The following COL4A6 variants were observed in gnomAD, a reference collection of about 807,000 sequenced individuals.
The protein encoded by COL4A6 is collagen type IV alpha 6 chain.
A neutral mutation model predicts 126.7 loss-of-function variants in COL4A6; 59 were observed. The observed-to-expected ratio is 0.47, with a 90% CI of 0.38 to 0.58. The LOEUF (loss-of-function observed/expected upper bound fraction) is 0.58. Among genes scored for constraint, COL4A6 ranks in the 20% least tolerant of loss-of-function variants. The probability of loss-of-function intolerance (pLI) is 0.00; values close to 1 mark genes in which losing one functional copy is unlikely to be tolerated. For missense variants in COL4A6, 1,285 were observed against 1,337.3 expected (o/e 0.96, Z 0.61); for synonymous variants, 547 against 496.6 (o/e 1.10, Z -1.35).
At chrX:108,293,380 A>C (rs776554978) in intron 3 of COL4A6, among the ~76,000 whole-genome samples, 7 of 111,901 alleles carry the variant, frequency 6.3e-5, no homozygotes, top group African/African-American at 2.3e-4. Context: ...TATTATTATT[A>C]GTCAAGTTTG....
chrX:108,184,648 G>A (rs947376713), intron 23 of COL4A6, among the ~76,000 whole-genome samples: 3 of 112,327 alleles, frequency 2.7e-5, no homozygotes, highest in African/African-American at 9.7e-5. Flanking sequence ...AGAATCATGA[G>A]CTAAATAAAC....
At chrX:108,240,433 T>C (rs912287807) in intron 3 of COL4A6, among the ~76,000 whole-genome samples, 2 of 112,399 alleles carry the variant, frequency 1.8e-5, no homozygotes, top group Non-Finnish European at 3.8e-5. Context: ...AATATACTTT[T>C]TGTCAGGTAA....
intron 2 of COL4A6, among the ~76,000 whole-genome samples, chrX:108,399,812 A>C (rs1039819317): frequency 8.9e-6 from 1 of 111,879 alleles, no homozygotes; most frequent in African/African-American, 3.2e-5. Flanking sequence ...CAAAATTCCC[A>C]GCCTACTCTG....
intron 2 of COL4A6, among the ~76,000 whole-genome samples, chrX:108,400,990 C>A: frequency 9.0e-6 from 1 of 111,255 alleles, no homozygotes; most frequent in East Asian, 2.8e-4. Flanking sequence ...TCTATGTTCT[C>A]TTGTAGAATT....
intron 2 of COL4A6, among the ~76,000 whole-genome samples, chrX:108,357,167 A>G (rs1372144084): frequency 8.9e-6 from 1 of 111,785 alleles, no homozygotes; most frequent in Non-Finnish European, 1.9e-5. Flanking sequence ...AATGCTTACA[A>G]TGATGGGTAG....
rs1226981909 is a variant in COL4A6 at position 108,318,298 on chromosome X, C to G, written c.64-7470G>C. On this transcript the variant is annotated intron_variant, in intron 2 of 44. Transcript: ENST00000334504. Reference sequence around the variant, plus strand: ...AATGGGCAAAAACTGGAAGCATTCCCTTTGAAAACTGGCACAAGACAGGGA... The same window carrying G: ...AATGGGCAAAAACTGGAAGCATTCCGTTTGAAAACTGGCACAAGACAGGGA... Among the ~76,000 whole-genome samples the G allele has an allele frequency of 3.6e-5, 4 of 111,816 alleles. No homozygotes were observed. In the East Asian group the frequency reaches 8.5e-4, roughly 24 times the overall value.
chrX:108,343,543 G>A (rs2039635673), intron 2 of COL4A6, among the ~76,000 whole-genome samples: 1 of 110,771 alleles, frequency 9.0e-6, no homozygotes, highest in African/African-American at 3.3e-5. Flanking sequence ...TGTAAGTTTG[G>A]AATTAGAGAT....
chrX:108,389,862 G>A (rs1792185346), intron 2 of COL4A6, among the ~76,000 whole-genome samples: 1 of 111,603 alleles, frequency 9.0e-6, no homozygotes, highest in African/African-American at 3.3e-5. Flanking sequence ...TCCAGTGGCT[G>A]GTACCAGTTG....
Position 108,171,357 on chromosome X carries a change from G to A in COL4A6, c.3277+30C>T, listed in dbSNP as rs780685692. ...TCCTCAGTTTTGTGGAGTCTGTGAG[G>A]CAAACAAGACAAAAATATAGCAACC... On this transcript the variant is annotated intron_variant, in intron 33 of 44. Coordinates refer to ENST00000334504, the MANE Select transcript of COL4A6 (RefSeq NM_033641.4). 2.6e-6 allele frequency: 3 copies of A among 1,174,158 alleles called. No homozygotes were observed. The South Asian group carries it at 5.5e-5, about 22-fold the overall frequency.
At chrX:108,242,950 T>G (rs1432731978) in intron 3 of COL4A6, among the ~76,000 whole-genome samples, 1 of 111,317 alleles carries the variant, frequency 9.0e-6, no homozygotes, top group Non-Finnish European at 1.9e-5. Flanking sequence ...TTTGGCAAAA[T>G]AAAGAAAGAA....
At chrX:108,347,397 A>G (rs1244976940) in intron 2 of COL4A6, among the ~76,000 whole-genome samples, 3 of 112,276 alleles carry the variant, frequency 2.7e-5, no homozygotes, top group Non-Finnish European at 5.6e-5. Flanking sequence ...TGCTGTATAT[A>G]CAATTTACCA....
chrX:108,406,134 A>C (rs2041202297), intron 2 of COL4A6, among the ~76,000 whole-genome samples: 2 of 110,924 alleles, frequency 1.8e-5, no homozygotes, highest in African/African-American at 6.6e-5. Context: ...TGCCTGGCTA[A>C]TTTTATTTTA....
rs192954053 is a variant in COL4A6, at chrX:108,417,923, T to C, written c.63+20019A>G. On this transcript the variant is annotated intron_variant, in intron 2 of 44. Coordinates refer to ENST00000334504, the MANE Select transcript of COL4A6 (RefSeq NM_033641.4). Reference sequence around the variant, plus strand: ...AGAAAGTTAAATCATATTATGGAAATGTGTTTTGGTGATGCATTGCCATTT... The same window carrying C: ...AGAAAGTTAAATCATATTATGGAAACGTGTTTTGGTGATGCATTGCCATTT... 6.0e-3 allele frequency among the ~76,000 whole-genome samples: 678 copies of C among 112,252 alleles called. 3 individuals are homozygous for C. The highest frequency in any genetic ancestry group is 9.6e-3 in the Non-Finnish European group (513 of 53,231).
At chrX:108,213,801 C>T (rs1419101247) in intron 6 of COL4A6, 1 of 237,628 alleles carries the variant, frequency 4.2e-6, no homozygotes, top group Non-Finnish European at 7.3e-6. Context: ...TGATGTGGGA[C>T]CATGTCAAAT....
chrX:108,420,023 A>T (rs1266199161), intron 2 of COL4A6, among the ~76,000 whole-genome samples: 1 of 111,628 alleles, frequency 9.0e-6, no homozygotes, highest in Non-Finnish European at 1.9e-5. Flanking sequence ...ACTTAGTAAG[A>T]TGTTTGAGGG....
chrX:108,401,573 A>T (rs2041088783), intron 2 of COL4A6, among the ~76,000 whole-genome samples: 2 of 111,183 alleles, frequency 1.8e-5, no homozygotes, highest in African/African-American at 6.5e-5. Flanking sequence ...TGAAAAAGTT[A>T]AAAATTGTGG....
intron 3 of COL4A6, among the ~76,000 whole-genome samples, chrX:108,223,530 T>C (rs1191321804): frequency 9.0e-6 from 1 of 110,911 alleles, no homozygotes; most frequent in African/African-American, 3.3e-5. Context: ...AGGCTTACAT[T>C]TTGCCCATGG....
At chrX:108,246,243 T>C (rs2036715789) in intron 3 of COL4A6, among the ~76,000 whole-genome samples, 1 of 111,978 alleles carries the variant, frequency 8.9e-6, no homozygotes. Context: ...AACAATAGCA[T>C]CTACTTGGGA....
intron 3 of COL4A6, among the ~76,000 whole-genome samples, chrX:108,246,369 G>C (rs991271307): frequency 8.9e-6 from 1 of 112,005 alleles, no homozygotes; most frequent in Non-Finnish European, 1.9e-5. Context: ...ACTGGAAAGA[G>C]CAGGAGTGGT....
Sources: allele counts gnomAD v4.1 joint callset (sites outside exome capture counted in the v4.1 genomes callset), GRCh38; gene constraint gnomAD v4.1.1; transcripts MANE v1.5; gene names NCBI Gene and HGNC (gene_info 2026-07-23, HGNC 2026-07-21).